Variants in KCNU1 observed in about 807,000 individuals in gnomAD.
KCNU1 encodes potassium calcium-activated channel subfamily U member 1.
Under a neutral mutation model 126.8 loss-of-function variants are expected in KCNU1, and 93 were observed. The ratio of observed to expected loss-of-function variants is 0.73; its 90% CI spans 0.62 to 0.87. The LOEUF (loss-of-function observed/expected upper bound fraction) is 0.87, where lower values mean the gene tolerates loss of function less well. Ranked by LOEUF, KCNU1 falls within the 40% of genes least tolerant of loss-of-function variation. KCNU1 has a pLI of 0.00. For missense variants in KCNU1, 1,330 were observed against 1,367.1 expected (o/e 0.97, Z 0.43); for synonymous variants, 523 against 494.2 (o/e 1.06, Z -0.77).
intron 18 of KCNU1, among the ~76,000 whole-genome samples, chr8:36,852,159 T>G (rs1034963722): frequency 6.6e-6 from 1 of 152,190 alleles, no homozygotes; most frequent in African/African-American, 2.4e-5. Context: ...TCTATTAATA[T>G]GGTATATTGG....
intron 9 of KCNU1, among the ~76,000 whole-genome samples, chr8:36,816,523 G>T (rs1461469283): frequency 2.0e-5 from 3 of 152,108 alleles, no homozygotes; most frequent in Admixed American, 2.0e-4. Flanking sequence ...AAAATATGAT[G>T]AAATGAACAA....
chr8:36,839,353 C>A (rs16885493), intron 14 of KCNU1, among the ~76,000 whole-genome samples: 30,584 of 152,142 alleles, frequency 0.2, 3,383 homozygotes, highest in Admixed American at 0.32. Context: ...TCCATCCCCA[C>A]GCTATCATTT....
intron 14 of KCNU1, among the ~76,000 whole-genome samples, chr8:36,837,697 C>G (rs1804802657): frequency 6.6e-6 from 1 of 152,150 alleles, no homozygotes; most frequent in Admixed American, 6.5e-5. Flanking sequence ...AAAAGTGACT[C>G]TTGGGATAAA....
chr8:36,929,423 A>T (rs1044088838), intron 24 of KCNU1, among the ~76,000 whole-genome samples: 1 of 129,500 alleles, frequency 7.7e-6, no homozygotes, highest in Non-Finnish European at 1.8e-5. Context: ...AAAAACAAAC[A>T]AACAAAAAAA....
intron 18 of KCNU1, among the ~76,000 whole-genome samples, chr8:36,859,396 C>A (rs202109239): frequency 1.3e-5 from 2 of 152,130 alleles, no homozygotes; most frequent in African/African-American, 4.8e-5. Flanking sequence ...ACAGTTATCT[C>A]TTTAATGAAT....
At chr8:36,801,621 A>G (rs1803309656) in intron 2 of KCNU1, among the ~76,000 whole-genome samples, 1 of 151,976 alleles carries the variant, frequency 6.6e-6, no homozygotes, top group African/African-American at 2.4e-5. Context: ...AAGCAAAAGG[A>G]TTTCCTTAAA....
chr8:36,843,270 C>T (rs1027313892), intron 16 of KCNU1, among the ~76,000 whole-genome samples: 1 of 152,158 alleles, frequency 6.6e-6, no homozygotes. Flanking sequence ...ACATGTACCT[C>T]AATGAAGGGG....
intron 6 of KCNU1, among the ~76,000 whole-genome samples, 179 bp downstream of exon 6, chr8:36,807,629 A>G (rs1407030201): frequency 1.3e-5 from 2 of 152,014 alleles, no homozygotes; most frequent in African/African-American, 4.8e-5. Context: ...ATCTTACACT[A>G]GCTGAAAACT....
At chr8:36,788,273 G>A (rs1301770749) in intron 2 of KCNU1, among the ~76,000 whole-genome samples, 1 of 151,912 alleles carries the variant, frequency 6.6e-6, no homozygotes, top group Non-Finnish European at 1.5e-5. Context: ...AATAATCGTT[G>A]AGCATTGCTA....
intron 16 of KCNU1, among the ~76,000 whole-genome samples, chr8:36,845,357 T>C (rs1805104425): frequency 6.6e-6 from 1 of 152,222 alleles, no homozygotes; most frequent in South Asian, 2.1e-4. Flanking sequence ...TTCAGCTCAC[T>C]GATCAAGTTG....
intron 19 of KCNU1, among the ~76,000 whole-genome samples, chr8:36,897,579 T>C (rs1256245072): frequency 6.6e-6 from 1 of 151,536 alleles, no homozygotes; most frequent in Non-Finnish European, 1.5e-5. Flanking sequence ...CAGAGCAGGG[T>C]GAATATCCTC....
rs1804639269 is a variant in KCNU1 at position 36,833,595 on chromosome 8, A to G, written c.1148A>G (p.Tyr383Cys). Residue 383 changes from tyrosine (Y) to cysteine (C), a missense_variant, in exon 11 of 27, where the codon TAC becomes TGC. Physicochemically the swap from Tyr to Cys is radical, Grantham distance 194 (BLOSUM62 -2). Transcript: ENST00000399881. Reference protein sequence around the residue: ...SLELETIFKCYLAYTTFISGS... With the variant: ...SLELETIFKCCLAYTTFISGS... ...GAACTTGAAACCATATTTAAATGCT[A>G]CTTGGCCTACACAACGTTCATTTCT... The G allele has an allele frequency of 6.2e-7, 1 of 1,612,276 alleles. No homozygotes were observed. The highest frequency in any genetic ancestry group is 1.3e-5 in the African/African-American group (1 of 74,938).
intron 3 of KCNU1, 27 bp downstream of exon 3, chr8:36,804,115 T>C (rs1355437359): frequency 1.4e-6 from 2 of 1,455,368 alleles, no homozygotes; most frequent in Non-Finnish European, 1.9e-6. Context: ...GTCACACTTG[T>C]CTGCTATATC....
intron 3 of KCNU1, 122 bp downstream of exon 3, chr8:36,804,210 A>G: frequency 1.5e-6 from 1 of 677,346 alleles, no homozygotes; most frequent in South Asian, 1.8e-5. Flanking sequence ...CACACACACA[A>G]ACTCATAAAA....
intron 19 of KCNU1, among the ~76,000 whole-genome samples, 163 bp from the exon 20 acceptor site, chr8:36,905,545 T>C (rs566179482): frequency 3.1e-4 from 47 of 152,192 alleles, no homozygotes; most frequent in African/African-American, 1.0e-3. Flanking sequence ...CTCTTTGTGC[T>C]CTTCAGACCT....
intron 19 of KCNU1, among the ~76,000 whole-genome samples, chr8:36,901,908 G>A (rs980401259): frequency 3.3e-5 from 5 of 152,204 alleles, no homozygotes; most frequent in South Asian, 2.1e-4. Context: ...ATGGTACCCC[G>A]TGGCTACCTT....
At chr8:36,886,027 C>T (rs998576999) in intron 19 of KCNU1, among the ~76,000 whole-genome samples, 4 of 152,084 alleles carry the variant, frequency 2.6e-5, no homozygotes, top group African/African-American at 9.7e-5. Context: ...CTTCATCATA[C>T]AATCATATAA....
At chr8:36,905,089 A>T (rs930327531) in intron 19 of KCNU1, among the ~76,000 whole-genome samples, 1 of 152,198 alleles carries the variant, frequency 6.6e-6, no homozygotes, top group African/African-American at 2.4e-5. Context: ...TGAATACATT[A>T]TGAAACAAGC....
intron 19 of KCNU1, among the ~76,000 whole-genome samples, chr8:36,885,031 C>T (rs1806640807): frequency 6.6e-6 from 1 of 152,162 alleles, no homozygotes; most frequent in African/African-American, 2.4e-5. Flanking sequence ...GAGATCTGCT[C>T]ACTGGGGGAA....
Sources: gnomAD v4.1 joint callset for allele counts (sites outside exome capture counted in the v4.1 genomes callset) on GRCh38, gnomAD v4.1.1 for gene constraint, MANE v1.5 for transcripts, NCBI Gene and HGNC (gene_info 2026-07-23, HGNC 2026-07-21) for gene names.